CELF2: variants seen among roughly 807,000 people sequenced by gnomAD.
CELF2 encodes the protein CUG triplet repeat RNA-binding protein 2.
In CELF2, 8 loss-of-function variants were observed where a neutral mutation model predicts 62.6. The observed-to-expected ratio is 0.13, with a 90% CI of 0.07 to 0.23. The LOEUF (loss-of-function observed/expected upper bound fraction) is 0.23. Among genes scored for constraint, CELF2 ranks in the 10% least tolerant of loss-of-function variants. CELF2 has a pLI of 1.00. For missense variants in CELF2, 333 were observed against 671.0 expected (o/e 0.50, Z 5.56); for synonymous variants, 258 against 250.0 (o/e 1.03, Z -0.30).
intron 1 of CELF2, among the ~76,000 whole-genome samples, chr10:10,916,972 T>A (rs2134565533): frequency 6.6e-6 from 1 of 152,200 alleles, no homozygotes; most frequent in East Asian, 1.9e-4. Context: ...TTAGAGACAT[T>A]TGTATCTAAT....
chr10:10,509,590 T>G, the CELF2 span, among the ~76,000 whole-genome samples: 1 of 152,206 alleles, frequency 6.6e-6, no homozygotes. Flanking sequence ...TCTATAGTAT[T>G]TTTGTAATAT....
chr10:11,160,286 T>C (rs1468628831), intron 1 of CELF2, among the ~76,000 whole-genome samples: 2 of 152,156 alleles, frequency 1.3e-5, no homozygotes, highest in Admixed American at 6.5e-5. Context: ...ATCCTAGAGT[T>C]AAGTGGTTGC....
chr10:10,730,710 C>T, the CELF2 span, among the ~76,000 whole-genome samples: 6 of 152,148 alleles, frequency 3.9e-5, no homozygotes, highest in African/African-American at 1.4e-4. Context: ...GGGGTGTCGT[C>T]CTGGCCCTTT....
Position 11,207,144 on chromosome 10 carries a change from A to G in CELF2, c.272-10281A>G, listed in dbSNP as rs1240894328. On this transcript the variant is annotated intron_variant, in intron 2 of 12. Transcript: ENST00000633077. The surrounding 1 kb of genome is among the most constrained non-coding windows in gnomAD (Gnocchi z 4.1). Reference sequence around the variant, plus strand: ...TGTGTCGTGCTTTGGTGGAATTTACATAATCATGGGTGAGGAAGTGTTACA... The same window carrying G: ...TGTGTCGTGCTTTGGTGGAATTTACGTAATCATGGGTGAGGAAGTGTTACA... 3.3e-5 allele frequency among the ~76,000 whole-genome samples: 5 copies of G among 152,258 alleles called. No individual in the cohort carries two copies. The highest frequency in any genetic ancestry group is 7.3e-5 in the Non-Finnish European group (5 of 68,038).
chr10:10,760,487 T>A, the CELF2 span, among the ~76,000 whole-genome samples: 1 of 152,188 alleles, frequency 6.6e-6, no homozygotes. Flanking sequence ...TTTCCTTAAC[T>A]CAGAAGATGC....
chr10:11,090,173 A>C (rs942749638), intron 1 of CELF2, among the ~76,000 whole-genome samples: 1 of 151,906 alleles, frequency 6.6e-6, no homozygotes, highest in African/African-American at 2.4e-5. Flanking sequence ...CCCTGAATCT[A>C]AAATGAAATT....
chr10:10,515,744 C>T, the CELF2 span, among the ~76,000 whole-genome samples: 6 of 152,278 alleles, frequency 3.9e-5, no homozygotes, highest in South Asian at 1.2e-3. Flanking sequence ...CCTGTATCGC[C>T]ATTTAGTAGG....
chr10:10,505,625 C>T, the CELF2 span, among the ~76,000 whole-genome samples: 2 of 152,128 alleles, frequency 1.3e-5, no homozygotes, highest in Non-Finnish European at 2.9e-5. Context: ...CCCTGGGGCC[C>T]TGGAATACCT....
At chr10:11,199,725 G>A (rs1422832377) in intron 2 of CELF2, among the ~76,000 whole-genome samples, 1 of 152,210 alleles carries the variant, frequency 6.6e-6, no homozygotes, top group Non-Finnish European at 1.5e-5. Flanking sequence ...CTCGATGGCT[G>A]GAAATTAAGA....
Position 11,165,200 on chromosome 10 carries a change from G to C in CELF2, c.75-286G>C. 2 of 1,256,828 alleles carry C rather than the reference G, an allele frequency of 1.6e-6. No individual in the cohort carries two copies. The allele number at this position is 1,256,828 out of a possible 1,614,324, so 77.9% of individuals were successfully genotyped here. A position where few individuals can be genotyped will look rare whatever the true frequency, so the allele number is the denominator to read the frequency against. On this transcript the variant is annotated intron_variant, in intron 1 of 12. Transcript: ENST00000633077. The surrounding 1 kb of genome is among the most constrained non-coding windows in gnomAD (Gnocchi z 7.4). ...CACTTAACTTGCAGCTGCCTCCCGA[G>C]CCTCCAAGATGTCCACGCCCTGGGT...
intron 1 of CELF2, among the ~76,000 whole-genome samples, chr10:10,843,793 GC>G (rs1376409107): frequency 1.3e-5 from 2 of 151,822 alleles, no homozygotes; most frequent in Non-Finnish European, 1.5e-5. Flanking sequence ...AAACAAAATC[GC>G]CCCCCAACAC....
chr10:11,227,204 G>T lies in CELF2; in HGVS notation c.354+9697G>T, dbSNP rs941529267. Reference sequence around the variant, plus strand: ...CCTCCTGCCCTGAAAACTCCTGGAGGCCTTTAGAAAGGAACTGTTCTACCC... The same window carrying T: ...CCTCCTGCCCTGAAAACTCCTGGAGTCCTTTAGAAAGGAACTGTTCTACCC... On this transcript the variant is annotated intron_variant, in intron 3 of 12. Transcript: ENST00000633077. The surrounding 1 kb of genome is among the most constrained non-coding windows in gnomAD (Gnocchi z 4.8). Among the ~76,000 whole-genome samples, 1 of 152,210 alleles carries T rather than the reference G, an allele frequency of 6.6e-6. No homozygotes were observed. Among genetic ancestry groups the T allele is most frequent in the African/African-American group, 2.4e-5 (1 of 41,444 alleles).
rs536093054 is a variant in CELF2 at position 11,123,178 on chromosome 10, T to C, written c.75-42308T>C. On this transcript the variant is annotated intron_variant, in intron 1 of 12. Transcript: ENST00000633077. ...TTTTTACAGCCATGAAGATTTGTGA[T>C]CTCTAAAGTCCTTGCTTACAAGCAC... Among the ~76,000 whole-genome samples, 3 of 152,262 alleles carry C rather than the reference T, an allele frequency of 2.0e-5. No individual in the cohort carries two copies. In the South Asian group the frequency reaches 6.2e-4, roughly 32 times the overall value.
chr10:10,707,157 G>A, the CELF2 span, among the ~76,000 whole-genome samples: 3 of 152,168 alleles, frequency 2.0e-5, no homozygotes, highest in Admixed American at 6.5e-5. Context: ...TGAAATGCTG[G>A]CTCTTTGAGT....
At chr10:10,886,050 A>G (rs2061728072) in intron 1 of CELF2, among the ~76,000 whole-genome samples, 2 of 152,210 alleles carry the variant, frequency 1.3e-5, no homozygotes, top group African/African-American at 4.8e-5. Flanking sequence ...ACGTGTTCTA[A>G]TAATCTGGAT....
Position 11,311,365 on chromosome 10 carries a change from T to C in CELF2, c.977-2774T>C, listed in dbSNP as rs749399557. ...CTTGTAGAATCAAATGTAAGTCATC[T>C]TGAAAGAACCCATCTTCAACCCAGG... On this transcript the variant is annotated intron_variant, in intron 9 of 12. Transcript: ENST00000633077. This position sits in a 1 kb window ranked among gnomAD's most constrained non-coding sequence, Gnocchi z 4.7. Among the ~76,000 whole-genome samples the C allele has an allele frequency of 6.6e-5, 10 of 152,192 alleles. No homozygotes were observed. Among genetic ancestry groups the C allele is most frequent in the Non-Finnish European group, 1.3e-4 (9 of 68,038 alleles).
the CELF2 span, among the ~76,000 whole-genome samples, chr10:10,770,658 AC>A: frequency 1.4e-5 from 2 of 142,652 alleles, no homozygotes; most frequent in African/African-American, 5.2e-5. Flanking sequence ...ATGCCACCCC[AC>A]CCCCCACTCC....
At chr10:10,650,990 G>A in the CELF2 span, among the ~76,000 whole-genome samples, 4 of 152,038 alleles carry the variant, frequency 2.6e-5, no homozygotes, top group Non-Finnish European at 5.9e-5. Context: ...GTGCCAGACA[G>A]TGGGCGCAGG....
the CELF2 span, among the ~76,000 whole-genome samples, chr10:10,781,829 C>T: frequency 6.6e-6 from 1 of 152,146 alleles, no homozygotes; most frequent in Non-Finnish European, 1.5e-5. Context: ...GTGGCACATG[C>T]CTGTATACAG....
Sources: allele counts gnomAD v4.1 joint callset (sites outside exome capture counted in the v4.1 genomes callset), GRCh38; gene constraint gnomAD v4.1.1; non-coding constraint Gnocchi (gnomAD v3.1); transcripts MANE v1.5; gene names NCBI Gene and HGNC (gene_info 2026-07-23, HGNC 2026-07-21).